Variants in RCOR1 observed in about 807,000 individuals in gnomAD.
RCOR1 encodes REST corepressor.
RCOR1 carries 12 observed loss-of-function variants against 64.0 expected under a neutral mutation model. The observed-to-expected ratio is 0.19, with a 90% CI of 0.12 to 0.30. RCOR1 has a LOEUF of 0.30. Ranked by LOEUF, RCOR1 falls within the 10% of genes least tolerant of loss-of-function variation. RCOR1 has a pLI of 1.00. For missense variants in RCOR1, 502 were observed against 621.2 expected (o/e 0.81, Z 2.04); for synonymous variants, 279 against 227.2 (o/e 1.23, Z -2.05).
intron 3 of RCOR1, among the ~76,000 whole-genome samples, chr14:102,685,750 T>C (rs916704516): frequency 1.3e-5 from 2 of 152,092 alleles, no homozygotes; most frequent in Admixed American, 6.6e-5. Flanking sequence ...TCACTTGAGC[T>C]CAAGAGTTTG....
intron 3 of RCOR1, among the ~76,000 whole-genome samples, chr14:102,689,655 A>T (rs1432357835): frequency 6.6e-6 from 1 of 152,220 alleles, no homozygotes; most frequent in Non-Finnish European, 1.5e-5. Context: ...TTATTTTATA[A>T]AAATGAGGAA....
chr14:102,600,905 G>A (rs991017324), intron 2 of RCOR1, among the ~76,000 whole-genome samples: 2 of 150,394 alleles, frequency 1.3e-5, no homozygotes, highest in Non-Finnish European at 3.0e-5. Flanking sequence ...ATGGTATTTC[G>A]CTGGCTGGGC....
At chr14:102,622,751 C>T (rs1420579175) in intron 2 of RCOR1, among the ~76,000 whole-genome samples, 1 of 152,160 alleles carries the variant, frequency 6.6e-6, no homozygotes, top group Non-Finnish European at 1.5e-5. Flanking sequence ...TTTTGTGTTA[C>T]TAGGCTTCAC....
chr14:102,613,488 T>C (rs999152440), intron 2 of RCOR1, among the ~76,000 whole-genome samples: 6 of 149,030 alleles, frequency 4.0e-5, no homozygotes, highest in Non-Finnish European at 6.0e-5. Flanking sequence ...GCGGGAGTGC[T>C]GTGGCGCGAT....
At chr14:102,720,878 A>T (rs1035278594) in intron 8 of RCOR1, 129 bp from the exon 9 acceptor site, 4 of 565,600 alleles carry the variant, frequency 7.1e-6, no homozygotes, top group Non-Finnish European at 1.3e-5. Context: ...GGGATCTCAG[A>T]ATTCAGCTAC....
chr14:102,717,001 A>G (rs1336882484), intron 8 of RCOR1, among the ~76,000 whole-genome samples: 2 of 152,042 alleles, frequency 1.3e-5, no homozygotes, highest in Admixed American at 6.6e-5. Context: ...TCAATGTTGT[A>G]TTGTTTTCTG....
rs957217513 is a variant in RCOR1 at position 102,726,568 on chromosome 14, T to C, written c.*62T>C. The C allele has an allele frequency of 6.4e-6, 9 of 1,397,070 alleles. No homozygotes were observed. Among genetic ancestry groups the C allele is most frequent in the Non-Finnish European group, 8.0e-6 (8 of 1,004,686 alleles). The allele number at this position is 1,397,070 out of a possible 1,614,324, so 86.5% of individuals were successfully genotyped here. On this transcript the variant is annotated 3_prime_UTR_variant, in exon 12 of 12. Transcript: ENST00000262241. ...GTGTTATCCGGGATATCAGGTATTA[T>C]GAGACATCACCTAGCCATCTGCATC...
In RCOR1 at chr14:102,592,903, A is replaced by C. The variant is rs908938379; in HGVS notation, c.17A>C (p.Glu6Ala). The change falls in exon 1 of 12, where the codon GAG (glutamate) becomes GCG (alanine). Residue 6 changes from glutamate to alanine, a missense_variant. Glu to Ala is a moderately radical substitution (Grantham distance 107). Transcript: ENST00000262241. MPAMV[E>A]KGPEVSGKRR... ...CCCCCGCCGATGCCGGCCATGGTGG[A>C]GAAGGGCCCCGAGGTCTCAGGGAAG... The C allele has an allele frequency of 1.6e-6, 2 of 1,235,768 alleles. No homozygotes were observed. Among genetic ancestry groups the C allele is most frequent in the African/African-American group, 3.2e-5 (2 of 61,932 alleles). The allele number at this position is 1,235,768 out of a possible 1,614,324, so 76.6% of individuals were successfully genotyped here.
intron 2 of RCOR1, among the ~76,000 whole-genome samples, chr14:102,603,680 G>A (rs1215608972): frequency 6.6e-6 from 1 of 151,912 alleles, no homozygotes; most frequent in East Asian, 1.9e-4. Flanking sequence ...GAGTGCGGTG[G>A]CTTAATCTCA....
At chr14:102,616,733 C>G (rs1893769709) in intron 2 of RCOR1, among the ~76,000 whole-genome samples, 1 of 152,182 alleles carries the variant, frequency 6.6e-6, no homozygotes, top group Non-Finnish European at 1.5e-5. Context: ...CTGCAATCCC[C>G]CATGTGTTTG....
intron 3 of RCOR1, among the ~76,000 whole-genome samples, chr14:102,694,173 A>G (rs949112332): frequency 6.6e-6 from 1 of 152,322 alleles, no homozygotes; most frequent in Non-Finnish European, 1.5e-5. Flanking sequence ...AGCTTCAGAC[A>G]AGTCACTTCT....
At chr14:102,714,669 G>C (rs768228727) in intron 8 of RCOR1, 52 bp downstream of exon 8, 3 of 1,387,890 alleles carry the variant, frequency 2.2e-6, no homozygotes, top group Non-Finnish European at 3.0e-6. Context: ...CACTTTAGAG[G>C]TGTTTCTGTT....
chr14:102,723,597 A>G (rs1306398272), intron 11 of RCOR1, among the ~76,000 whole-genome samples: 1 of 152,256 alleles, frequency 6.6e-6, no homozygotes, highest in South Asian at 2.1e-4. Context: ...TGAAAAGAGC[A>G]TGTGAATTAA....
intron 2 of RCOR1, among the ~76,000 whole-genome samples, chr14:102,594,854 A>G (rs1036729322): frequency 7.9e-5 from 12 of 152,132 alleles, no homozygotes; most frequent in African/African-American, 2.9e-4. Context: ...AAAACACAGA[A>G]CATAAAGCTT....
intron 2 of RCOR1, among the ~76,000 whole-genome samples, chr14:102,635,224 C>T (rs1894211589): frequency 6.6e-6 from 1 of 152,202 alleles, no homozygotes; most frequent in Non-Finnish European, 1.5e-5. Context: ...ACTGAAGCTG[C>T]TGCACACGGC....
At chr14:102,630,882 G>T (rs942153009) in intron 2 of RCOR1, among the ~76,000 whole-genome samples, 8 of 152,014 alleles carry the variant, frequency 5.3e-5, no homozygotes, top group Admixed American at 5.2e-4. Flanking sequence ...GGGCTAATGG[G>T]GGCCGGTGTC....
rs575695277 is a variant in RCOR1, at chr14:102,671,859, C to T, written c.362-10036C>T. Among the ~76,000 whole-genome samples the T allele has an allele frequency of 1.4e-4, 21 of 152,296 alleles. No individual in the cohort carries two copies. In the East Asian group the frequency reaches 3.9e-3, roughly 28 times the overall value. On this transcript the variant is annotated intron_variant, in intron 2 of 11. Coordinates refer to ENST00000262241, the MANE Select transcript of RCOR1 (RefSeq NM_015156.4). ...CAGTGGCACCCTGTTATTTCAAATG[C>T]CCTACAGCCTCTGGCAATCACTAAT...
chr14:102,689,301 T>A (rs1324311717), intron 3 of RCOR1, among the ~76,000 whole-genome samples: 1 of 152,094 alleles, frequency 6.6e-6, no homozygotes. Context: ...GATTTTTTTT[T>A]TGTTGCTTGA....
intron 3 of RCOR1, among the ~76,000 whole-genome samples, chr14:102,688,275 A>G (rs1468419349): frequency 1.3e-5 from 2 of 152,284 alleles, no homozygotes; most frequent in African/African-American, 2.4e-5. Context: ...CAGCATTTTC[A>G]TTTTTAAAGG....
Sources: allele counts gnomAD v4.1 joint callset (sites outside exome capture counted in the v4.1 genomes callset), GRCh38; gene constraint gnomAD v4.1.1; transcripts MANE v1.5; gene names NCBI Gene and HGNC (gene_info 2026-07-23, HGNC 2026-07-21).